The following RPRD1A variants were observed in gnomAD, a reference collection of about 807,000 sequenced individuals.
RPRD1A encodes the protein regulation of nuclear pre-mRNA domain-containing protein 1A.
RPRD1A carries 9 observed loss-of-function variants against 37.8 expected under a neutral mutation model. The ratio of observed to expected loss-of-function variants is 0.24; its 90% confidence interval spans 0.14 to 0.42. The LOEUF (loss-of-function observed/expected upper bound fraction) is 0.42, where lower values mean the gene tolerates loss of function less well. RPRD1A is among the 10% of genes least tolerant of loss of function. The pLI, the probability that RPRD1A is intolerant of heterozygous loss-of-function variation, is 1.00. For missense variants in RPRD1A, 255 were observed against 371.0 expected (o/e 0.69, Z 2.57); for synonymous variants, 138 against 139.7 (o/e 0.99, Z 0.08).
At chr18:36,066,239 T>G (rs1196807653) in intron 1 of RPRD1A, among the ~76,000 whole-genome samples, 1 of 152,224 alleles carries the variant, frequency 6.6e-6, no homozygotes, top group Non-Finnish European at 1.5e-5. Flanking sequence ...AAGGACAGAT[T>G]GTCTCCATTA....
Position 36,067,501 on chromosome 18 carries a change from T to TC in RPRD1A, c.-98dup. On this transcript the variant is annotated 5_prime_UTR_variant, in exon 1 of 7. Coordinates refer to ENST00000399022, the MANE Select transcript of RPRD1A (RefSeq NM_018170.5). ...CGGCCTCGCCCCCTCACCCCACCCT[T>TC]CCCCACGCTCTCACCACGGCCGCCG... The TC allele has an allele frequency of 3.1e-6, 4 of 1,282,338 alleles. No individual in the cohort carries two copies. The Admixed American group carries it at 9.5e-5, about 30-fold the overall frequency. 79.4% of individuals were successfully genotyped at this position (1,282,338 alleles called of 1,614,324 possible). A position where few individuals can be genotyped will look rare whatever the true frequency, so the allele number is the denominator to read the frequency against.
intron 6 of RPRD1A, among the ~76,000 whole-genome samples, chr18:36,000,329 T>C: frequency 6.6e-6 from 1 of 152,188 alleles, no homozygotes; most frequent in East Asian, 1.9e-4. Context: ...AGCTGTCATT[T>C]TTTCCCCCTT....
chr18:36,024,114 AAT>A (rs1288140459), intron 6 of RPRD1A, among the ~76,000 whole-genome samples: 4 of 152,074 alleles, frequency 2.6e-5, no homozygotes, highest in African/African-American at 9.7e-5. Context: ...TAAAGTTATT[AAT>A]AGTCTATTTT....
chr18:35,998,710 A>G (rs1185230737), intron 6 of RPRD1A, among the ~76,000 whole-genome samples: 3 of 152,212 alleles, frequency 2.0e-5, no homozygotes, highest in African/African-American at 4.8e-5. Context: ...TAATCCAGGC[A>G]AATTTTCACT....
intron 1 of RPRD1A, among the ~76,000 whole-genome samples, chr18:36,063,744 AG>A (rs1450452702): frequency 6.6e-6 from 1 of 152,196 alleles, no homozygotes; most frequent in African/African-American, 2.4e-5. Context: ...GAAGTTGATG[AG>A]CAAAACTGCA....
At chr18:35,995,958 T>C (rs1909027693) in intron 6 of RPRD1A, among the ~76,000 whole-genome samples, 1 of 152,164 alleles carries the variant, frequency 6.6e-6, no homozygotes, top group East Asian at 1.9e-4. Context: ...TGCTGAAAAC[T>C]ATCAAGGTCA....
chr18:36,032,475 C>CT (rs1911864725), intron 2 of RPRD1A, among the ~76,000 whole-genome samples: 1 of 152,172 alleles, frequency 6.6e-6, no homozygotes. Context: ...GAAGGAACAC[C>CT]TTAAGTCTTG....
intron 1 of RPRD1A, among the ~76,000 whole-genome samples, chr18:36,049,429 AC>A (rs72537908): frequency 4.9e-5 from 7 of 143,226 alleles, no homozygotes; most frequent in Non-Finnish European, 9.3e-5. Context: ...ATAATTTTTG[AC>A]CCCCCCCACC....
chr18:36,008,484 G>A (rs576276589), intron 6 of RPRD1A, among the ~76,000 whole-genome samples: 24 of 148,840 alleles, frequency 1.6e-4, no homozygotes, highest in Admixed American at 1.4e-3. Context: ...GCTGAGTAGT[G>A]AGGATCACTT....
At chr18:36,000,738 T>C (rs562921406) in intron 6 of RPRD1A, among the ~76,000 whole-genome samples, 5 of 152,310 alleles carry the variant, frequency 3.3e-5, no homozygotes, top group Admixed American at 2.6e-4. Flanking sequence ...CCATGTATTA[T>C]AGATGATGAA....
intron 6 of RPRD1A, among the ~76,000 whole-genome samples, chr18:36,018,190 TTTTA>T (rs1370242252): frequency 6.8e-6 from 1 of 146,622 alleles, no homozygotes; most frequent in Non-Finnish European, 1.5e-5. Flanking sequence ...TTTCAATCAT[TTTTA>T]TTTATTAAAG....
intron 4 of RPRD1A, among the ~76,000 whole-genome samples, chr18:36,029,512 C>G (rs559441815): frequency 1.3e-5 from 2 of 151,738 alleles, no homozygotes; most frequent in Non-Finnish European, 2.9e-5. Context: ...AAAATACATT[C>G]GCCTTGTTTT....
At position 36,015,175 on chromosome 18, in the gene RPRD1A, C is replaced by T. The variant is rs1269337217; in HGVS notation, c.789+11725G>A. Reference sequence around the variant, plus strand: ...ACACACACATATATACACATATATACACACACACACACACACACACACACA... The same window carrying T: ...ACACACACATATATACACATATATATACACACACACACACACACACACACA... On this transcript the variant is annotated intron_variant, in intron 6 of 6. Coordinates refer to ENST00000399022, the MANE Select transcript of RPRD1A (RefSeq NM_018170.5). Among the ~76,000 whole-genome samples the T allele has an allele frequency of 3.9e-4, 28 of 72,620 alleles. No individual in the cohort carries two copies. In the South Asian group the frequency reaches 5.0e-3, roughly 13 times the overall value. 47.6% of individuals were successfully genotyped at this position (72,620 alleles called of 152,430 possible). A position where few individuals can be genotyped will look rare whatever the true frequency, so the allele number is the denominator to read the frequency against.
At chr18:36,008,588 T>TATATATATATATATATATATATATATA (rs1304683314) in intron 6 of RPRD1A, among the ~76,000 whole-genome samples, 1 of 134,660 alleles carries the variant, frequency 7.4e-6, no homozygotes, top group African/African-American at 2.9e-5. Context: ...TATATATATA[T>TATATATATATATATATATATATATATA]ATCTTTAAAA....
chr18:36,001,921 G>A (rs970930227), intron 6 of RPRD1A, among the ~76,000 whole-genome samples: 2 of 152,038 alleles, frequency 1.3e-5, no homozygotes, highest in African/African-American at 2.4e-5. Context: ...CTAAGTTGGT[G>A]GGTTTTTTCT....
intron 1 of RPRD1A, among the ~76,000 whole-genome samples, chr18:36,066,174 TA>T (rs11286366): frequency 0.12 from 17,539 of 152,198 alleles, 1,244 homozygotes; most frequent in East Asian, 0.25. Flanking sequence ...AACAAGGCTG[TA>T]AATCAATTTC....
chr18:35,996,961 G>C (rs1329529044), intron 6 of RPRD1A, among the ~76,000 whole-genome samples: 3 of 116,616 alleles, frequency 2.6e-5, no homozygotes, highest in African/African-American at 1.0e-4. Context: ...CTAGGCAATA[G>C]AGTGAGACCC....
intron 1 of RPRD1A, among the ~76,000 whole-genome samples, chr18:36,040,114 C>T (rs560663876): frequency 2.0e-5 from 3 of 152,108 alleles, no homozygotes; most frequent in Non-Finnish European, 4.4e-5. Context: ...ATATAGTATA[C>T]ACATATTAAA....
intron 1 of RPRD1A, among the ~76,000 whole-genome samples, chr18:36,051,835 C>T (rs910877723): frequency 2.6e-5 from 4 of 152,032 alleles, no homozygotes; most frequent in Admixed American, 6.6e-5. Context: ...AAAATGAACA[C>T]AGCCTAAGGG....
Sources: allele counts gnomAD v4.1 joint callset (sites outside exome capture counted in the v4.1 genomes callset), GRCh38; gene constraint gnomAD v4.1.1; transcripts MANE v1.5; gene names NCBI Gene and HGNC (gene_info 2026-07-23, HGNC 2026-07-21).